The following AMBP variants were observed in gnomAD, a reference collection of about 807,000 sequenced individuals.
AMBP encodes the protein alpha-1-microglobulin/bikunin precursor, also known as protein AMBP.
Under a neutral mutation model 46.3 loss-of-function variants are expected in AMBP, and 37 were observed. That is an observed-to-expected ratio of 0.80 (90% confidence interval 0.61 to 1.05). AMBP has a LOEUF of 1.05. AMBP is among the 50% of genes least tolerant of loss of function. The pLI is 0.00. For missense variants in AMBP, 475 were observed against 461.2 expected (o/e 1.03, Z -0.27); for synonymous variants, 174 against 175.9 (o/e 0.99, Z 0.09).
At position 114,061,649 on chromosome 9, in the gene AMBP, G is replaced by T; in HGVS notation, c.686-58C>A. The T allele has an allele frequency of 2.0e-6, 3 of 1,500,118 alleles. No homozygotes were observed. The South Asian group carries it at 4.0e-5, about 20-fold the overall frequency. 92.9% of individuals were successfully genotyped at this position (1,500,118 alleles called of 1,614,324 possible). A position where few individuals can be genotyped will look rare whatever the true frequency, so the allele number is the denominator to read the frequency against. On this transcript the variant is annotated intron_variant, in intron 7 of 9. Coordinates refer to ENST00000265132, the MANE Select transcript of AMBP (RefSeq NM_001633.4). ...GTGTTGACTGTGTACCCATTATCAGGCTGGGCACTTGATATGCGCCATCTC... is the reference window on the plus strand; with the variant it reads ...GTGTTGACTGTGTACCCATTATCAGTCTGGGCACTTGATATGCGCCATCTC...
At position 114,071,438 on chromosome 9, in the gene AMBP, C is replaced by T. The variant is rs1005372892; in HGVS notation, c.556+1487G>A. ...GTGCCAACAAGCGTGGAAGGGAGGC[C>T]GAGTGGGGGCTGATGGCAGCCTGAC... is the stretch of plus-strand genomic sequence containing the variant. On this transcript the variant is annotated intron_variant, in intron 5 of 9. Transcript: ENST00000265132. Among the ~76,000 whole-genome samples, 55 of 152,320 alleles carry T rather than the reference C, an allele frequency of 3.6e-4. 1 individual carries two copies. The highest frequency in any genetic ancestry group is 6.8e-4 in the Non-Finnish European group (46 of 67,996).
At position 114,078,124 on chromosome 9, in the gene AMBP, ATGT is replaced by A; in HGVS notation, c.83_85del (p.Asn28del). ...GATATTGAAGTTTTCCTGCACTTGG[ATGT>A]TGTCGGGCGGCGTTGGCACAGGGCC... On this transcript the variant is annotated inframe_deletion, in exon 1 of 10. Coordinates refer to ENST00000265132, the MANE Select transcript of AMBP (RefSeq NM_001633.4). 6.2e-7 allele frequency: 1 copy of A among 1,613,934 alleles called. No homozygotes were observed.
chr9:114,065,604 G>T (rs899328301), intron 6 of AMBP, among the ~76,000 whole-genome samples: 1 of 152,068 alleles, frequency 6.6e-6, no homozygotes, highest in South Asian at 2.1e-4. Flanking sequence ...ATTCAGACCC[G>T]CATGTGCACC....
At chr9:114,070,985 G>C (rs1018012468) in intron 5 of AMBP, among the ~76,000 whole-genome samples, 2 of 152,152 alleles carry the variant, frequency 1.3e-5, no homozygotes, top group Admixed American at 6.5e-5. Flanking sequence ...AGCTTGCCAC[G>C]ATGTCACCCC....
intron 7 of AMBP, 27 bp downstream of exon 7, chr9:114,062,649 AG>A (rs1846652398): frequency 6.2e-7 from 1 of 1,609,652 alleles, no homozygotes; most frequent in Non-Finnish European, 8.5e-7. Flanking sequence ...AGTATGGCAG[AG>A]GGGGTGAAAA....
At position 114,061,694 on chromosome 9, in the gene AMBP, G is replaced by T. The variant is rs539349361; in HGVS notation, c.686-103C>A. 7 of 1,324,838 alleles carry T rather than the reference G, an allele frequency of 5.3e-6. No individual in the cohort carries two copies. In the East Asian group the frequency reaches 1.5e-4, roughly 28 times the overall value. The allele number at this position is 1,324,838 out of a possible 1,614,324, so 82.1% of individuals were successfully genotyped here. On this transcript the variant is annotated intron_variant, in intron 7 of 9. Coordinates refer to ENST00000265132, the MANE Select transcript of AMBP (RefSeq NM_001633.4). ...CATCTCATTTAATTTTCACTAAAAG[G>T]ATTATCAATTCTTTTTAGATAAGCA...
chr9:114,060,242 G>A lies in AMBP; in HGVS notation c.1056C>T (p.Asn352=). The part of the protein sequence containing the change: ...DGDEELLRFS[N] ...TGACTTGCAGACCGGCCAGTTGTCAGTTGGAGAAGCGCAGCAGCTCCTCAT... is the reference window on the plus strand; with the variant it reads ...TGACTTGCAGACCGGCCAGTTGTCAATTGGAGAAGCGCAGCAGCTCCTCAT... Residue 352 remains asparagine (N), a synonymous_variant, in exon 10 of 10, where the codon AAC becomes AAT. Transcript: ENST00000265132. 6.2e-7 allele frequency: 1 copy of A among 1,613,304 alleles called. No individual in the cohort carries two copies. The highest frequency in any genetic ancestry group is 8.5e-7 in the Non-Finnish European group (1 of 1,179,696).
intron 2 of AMBP, among the ~76,000 whole-genome samples, chr9:114,075,337 T>C (rs917416876): frequency 2.0e-5 from 3 of 152,248 alleles, no homozygotes; most frequent in Non-Finnish European, 4.4e-5. Flanking sequence ...CTACACATTA[T>C]ACTGAGGCAG....
intron 6 of AMBP, among the ~76,000 whole-genome samples, chr9:114,065,604 G>A (rs899328301): frequency 6.6e-6 from 1 of 152,184 alleles, no homozygotes; most frequent in African/African-American, 2.4e-5. Flanking sequence ...ATTCAGACCC[G>A]CATGTGCACC....
rs1318658139 is a variant in AMBP, at chr9:114,062,771, G to C, written c.604-13C>G. On this transcript the variant is annotated splice_polypyrimidine_tract_variant and intron_variant, in intron 6 of 9. Coordinates refer to ENST00000265132, the MANE Select transcript of AMBP (RefSeq NM_001633.4). Reference sequence around the variant, plus strand: ...CCCTCCGGACTCTCTGCGGGGGAGAGAAAGAGAAGAAGCAGTTGCAGACTC... The same window carrying C: ...CCCTCCGGACTCTCTGCGGGGGAGACAAAGAGAAGAAGCAGTTGCAGACTC... 6.2e-7 allele frequency: 1 copy of C among 1,613,672 alleles called. No individual in the cohort carries two copies. Among genetic ancestry groups the C allele is most frequent in the Non-Finnish European group, 8.5e-7 (1 of 1,179,636 alleles).
intron 2 of AMBP, among the ~76,000 whole-genome samples, chr9:114,075,574 C>T (rs1227961044): frequency 6.6e-6 from 1 of 152,220 alleles, no homozygotes; most frequent in Non-Finnish European, 1.5e-5. Context: ...TATTGGGCAG[C>T]ACCTATGTGG....
chr9:114,074,279 A>G (rs1338806069), intron 3 of AMBP, 127 bp from the exon 4 acceptor site: 4 of 679,416 alleles, frequency 5.9e-6, no homozygotes, highest in Non-Finnish European at 1.0e-5. Context: ...TGCCTTCCAT[A>G]TCTCCATTTA....
intron 6 of AMBP, among the ~76,000 whole-genome samples, chr9:114,068,922 T>C (rs537998662): frequency 6.6e-6 from 1 of 151,980 alleles, no homozygotes; most frequent in East Asian, 1.9e-4. Context: ...CATTTTCTTT[T>C]AAAATATAGG....
At chr9:114,060,876 G>T (rs1044389440) in intron 9 of AMBP, 49 bp downstream of exon 9, 1 of 1,579,554 alleles carries the variant, frequency 6.3e-7, no homozygotes, top group Non-Finnish European at 8.6e-7. Context: ...CTCCCACCTC[G>T]ACTCCAACAG....
In AMBP at chr9:114,068,271, G is replaced by T. The variant is rs112178361; in HGVS notation, c.603+1428C>A. ...TCTCATGACTAAATATTCATTTGAA[G>T]ATCAAGAAGTCCACTTCAGTTTCTT... On this transcript the variant is annotated intron_variant, in intron 6 of 9. Transcript: ENST00000265132. 3.8e-3 allele frequency among the ~76,000 whole-genome samples: 573 copies of T among 152,068 alleles called. 2 individuals are homozygous for T. The highest frequency in any genetic ancestry group is 0.013 in the African/African-American group (553 of 41,454).
intron 5 of AMBP, among the ~76,000 whole-genome samples, chr9:114,072,326 G>A (rs559464301): frequency 1.3e-5 from 2 of 152,246 alleles, no homozygotes; most frequent in East Asian, 3.9e-4. Flanking sequence ...CAGAGTGCTG[G>A]CACCATGCCA....
chr9:114,072,541 C>T (rs1010706545), intron 5 of AMBP, among the ~76,000 whole-genome samples: 1 of 152,224 alleles, frequency 6.6e-6, no homozygotes, highest in African/African-American at 2.4e-5. Flanking sequence ...AAGCAAAACT[C>T]AGGCAAAGGC....
At chr9:114,073,365 G>T (rs917648536) in intron 4 of AMBP, among the ~76,000 whole-genome samples, 6 of 151,924 alleles carry the variant, frequency 3.9e-5, no homozygotes, top group Non-Finnish European at 7.4e-5. Flanking sequence ...TCCTGCCTCA[G>T]CCTCCTGAGT....
At chr9:114,077,929 C>T (rs897057392) in intron 1 of AMBP, among the ~76,000 whole-genome samples, 164 bp downstream of exon 1, 9 of 152,174 alleles carry the variant, frequency 5.9e-5, no homozygotes, top group Non-Finnish European at 1.3e-4. Flanking sequence ...AAGAGACCCA[C>T]GGAATGGCAG....
Sources: allele counts gnomAD v4.1 joint callset (sites outside exome capture counted in the v4.1 genomes callset), GRCh38; gene constraint gnomAD v4.1.1; transcripts MANE v1.5; gene names NCBI Gene and HGNC (gene_info 2026-07-23, HGNC 2026-07-21).